The following GALNT17 variants were observed in gnomAD, a reference collection of about 807,000 sequenced individuals.
The protein encoded by GALNT17 is UDP-GalNAc:polypeptide N-acetylgalactosaminyltransferase-like 3.
GALNT17 carries 29 observed loss-of-function variants against 63.7 expected under a neutral mutation model. The observed-to-expected ratio is 0.46, with a 90% CI of 0.34 to 0.62. The LOEUF (loss-of-function observed/expected upper bound fraction) is 0.62. Ranked by LOEUF, GALNT17 falls within the 20% of genes least tolerant of loss-of-function variation. GALNT17 has a pLI of 0.01. For synonymous variants in GALNT17, 305 were observed against 318.3 expected, an observed-to-expected ratio of 0.96 and a Z score of 0.45; for missense variants, 603 against 799.6, an observed-to-expected ratio of 0.75 and a Z score of 2.97.
chr7:71,713,102 G>A lies in GALNT17; in HGVS notation c.*956G>A, dbSNP rs1791819243. 6.5e-6 allele frequency: 1 copy of A among 152,718 alleles called. No individual in the cohort carries two copies. Among genetic ancestry groups the A allele is most frequent in the South Asian group, 2.1e-4 (1 of 4,834 alleles). 9.5% of individuals were successfully genotyped at this position (152,718 alleles called of 1,614,324 possible). On this transcript the variant is annotated 3_prime_UTR_variant, in exon 11 of 11. Coordinates refer to ENST00000333538, the MANE Select transcript of GALNT17 (RefSeq NM_022479.3). ...AGAAGGCAGTCGTTTCCTCTCTGAA[G>A]AGTATTTTTTTCGATTGCCCTCTGG...
intron 5 of GALNT17, among the ~76,000 whole-genome samples, chr7:71,442,886 C>G (rs528280627): frequency 6.6e-6 from 1 of 152,100 alleles, no homozygotes; most frequent in African/African-American, 2.4e-5. Context: ...GTAGGATGCC[C>G]CAGTCAGTAT....
chr7:71,400,067 T>C (rs1418966655), intron 3 of GALNT17, among the ~76,000 whole-genome samples: 4 of 152,164 alleles, frequency 2.6e-5, no homozygotes, highest in Non-Finnish European at 5.9e-5. Context: ...TGTGCCATGG[T>C]GGTTTGCTGC....
intron 1 of GALNT17, among the ~76,000 whole-genome samples, chr7:71,202,724 C>T (rs1796081): frequency 0.13 from 20,272 of 152,132 alleles, 1,391 homozygotes; most frequent in East Asian, 0.23. Flanking sequence ...TGTGATATTT[C>T]CAAAACTTAT....
intron 1 of GALNT17, among the ~76,000 whole-genome samples, chr7:71,255,768 G>T (rs1300662288): frequency 6.6e-6 from 1 of 152,090 alleles, no homozygotes; most frequent in East Asian, 1.9e-4. Flanking sequence ...CCAGCTGAGG[G>T]AACAGCATGA....
At chr7:71,265,120 T>TATATATATA (rs61662512) in intron 1 of GALNT17, among the ~76,000 whole-genome samples, 10 of 9,178 alleles carry the variant, frequency 1.1e-3, no homozygotes, top group Admixed American at 4.1e-3. Flanking sequence ...ATATATATAT[T>TATATATATA]TTTTTTTTTT....
intron 5 of GALNT17, among the ~76,000 whole-genome samples, chr7:71,532,225 T>G (rs1180539738): frequency 1.3e-5 from 2 of 152,140 alleles, no homozygotes; most frequent in Non-Finnish European, 2.9e-5. Context: ...TGGCAGAATC[T>G]AATTTTATGG....
intron 1 of GALNT17, among the ~76,000 whole-genome samples, chr7:71,176,078 C>G (rs541165574): frequency 2.6e-5 from 4 of 152,036 alleles, no homozygotes; most frequent in Non-Finnish European, 4.4e-5. Flanking sequence ...CAGCAAGGAT[C>G]TTATTTGGAG....
At chr7:71,443,407 C>A (rs1442821208) in intron 5 of GALNT17, among the ~76,000 whole-genome samples, 1 of 152,164 alleles carries the variant, frequency 6.6e-6, no homozygotes, top group Non-Finnish European at 1.5e-5. Context: ...GGAGGTGGGC[C>A]TGGAGGGAGG....
intron 1 of GALNT17, among the ~76,000 whole-genome samples, chr7:71,241,733 T>A (rs28589984): frequency 1.3e-5 from 2 of 151,710 alleles, no homozygotes; most frequent in African/African-American, 2.4e-5. Context: ...ACAAAAAATT[T>A]AAAAAATTAG....
intron 6 of GALNT17, among the ~76,000 whole-genome samples, chr7:71,632,278 G>GACC (rs1790463446): frequency 3.3e-5 from 5 of 152,078 alleles, no homozygotes; most frequent in Admixed American, 1.3e-4. Context: ...GGCCCTGGGG[G>GACC]ACCACCTGCC....
intron 1 of GALNT17, among the ~76,000 whole-genome samples, chr7:71,161,964 C>T (rs1245169158): frequency 6.8e-6 from 1 of 146,738 alleles, no homozygotes; most frequent in Non-Finnish European, 1.5e-5. Context: ...TTTTCTTTTT[C>T]TGTCTTCCCT....
intron 6 of GALNT17, among the ~76,000 whole-genome samples, chr7:71,579,429 C>A (rs991104295): frequency 1.7e-4 from 26 of 152,038 alleles, no homozygotes; most frequent in African/African-American, 6.3e-4. Flanking sequence ...AAATACTGTT[C>A]ATGAAATAAA....
chr7:71,328,095 T>C (rs754787138), intron 1 of GALNT17, among the ~76,000 whole-genome samples: 1 of 152,146 alleles, frequency 6.6e-6, no homozygotes, highest in Non-Finnish European at 1.5e-5. Flanking sequence ...GAGTGAAGCA[T>C]GAAGGATATT....
At chr7:71,324,233 G>C (rs937684757) in intron 1 of GALNT17, among the ~76,000 whole-genome samples, 6 of 152,168 alleles carry the variant, frequency 3.9e-5, no homozygotes, top group African/African-American at 1.4e-4. Context: ...ATGTTGGAAA[G>C]CTCACTCCGA....
At chr7:71,645,179 G>A (rs17143763) in intron 6 of GALNT17, among the ~76,000 whole-genome samples, 14,821 of 152,212 alleles carry the variant, frequency 0.097, 2,209 homozygotes, top group African/African-American at 0.33. Flanking sequence ...ATTAGGAGGC[G>A]CCAAAGCTGA....
At chr7:71,631,956 C>A (rs1790458334) in intron 6 of GALNT17, among the ~76,000 whole-genome samples, 1 of 151,834 alleles carries the variant, frequency 6.6e-6, no homozygotes. Flanking sequence ...CTCTGTTGCC[C>A]AGGCTGGTCT....
intron 5 of GALNT17, among the ~76,000 whole-genome samples, chr7:71,434,102 C>T (rs757470157): frequency 5.1e-4 from 77 of 152,230 alleles, no homozygotes; most frequent in Non-Finnish European, 9.1e-4. Context: ...GGCTCTTGGA[C>T]CTTCTGCCAC....
intron 1 of GALNT17, among the ~76,000 whole-genome samples, chr7:71,144,756 GTC>G (rs936825096): frequency 1.6e-4 from 24 of 152,092 alleles, no homozygotes; most frequent in African/African-American, 4.8e-4. Context: ...TTTTGATGGA[GTC>G]TCTCTCTCTT....
At chr7:71,381,507 G>C (rs1045710597) in intron 2 of GALNT17, among the ~76,000 whole-genome samples, 2 of 152,120 alleles carry the variant, frequency 1.3e-5, no homozygotes, top group African/African-American at 4.8e-5. Context: ...GGCCAGGTGC[G>C]GGGGCTCAGG....
Sources: gnomAD v4.1 joint callset for allele counts (sites outside exome capture counted in the v4.1 genomes callset) on GRCh38, gnomAD v4.1.1 for gene constraint, MANE v1.5 for transcripts, NCBI Gene and HGNC (gene_info 2026-07-23, HGNC 2026-07-21) for gene names.